PTPRG: variants seen among roughly 807,000 people sequenced by gnomAD.
PTPRG encodes the protein protein tyrosine phosphatase receptor type G.
PTPRG carries 102 observed loss-of-function variants against 165.3 expected under a neutral mutation model. That is an observed-to-expected ratio of 0.62 (90% CI 0.53 to 0.73). The LOEUF is 0.73. PTPRG is among the 30% of genes least tolerant of loss of function. The pLI is 0.00. For missense variants in PTPRG, 1,866 were observed against 1,861.4 expected, an observed-to-expected ratio of 1.00 and a Z score of -0.05; for synonymous variants, 675 against 669.5, an observed-to-expected ratio of 1.01 and a Z score of -0.13.
chr3:62,191,877 C>T (rs1699833745), intron 9 of PTPRG, among the ~76,000 whole-genome samples: 1 of 152,200 alleles, frequency 6.6e-6, no homozygotes, highest in African/African-American at 2.4e-5. Context: ...AGCTATGCAA[C>T]CCGGAGAGCC....
At chr3:61,808,085 T>A (rs1468396807) in intron 2 of PTPRG, among the ~76,000 whole-genome samples, 1 of 152,200 alleles carries the variant, frequency 6.6e-6, no homozygotes, top group Non-Finnish European at 1.5e-5. Flanking sequence ...GATATTGTTA[T>A]ACAAACAAAA....
intron 5 of PTPRG, among the ~76,000 whole-genome samples, chr3:62,117,194 C>G (rs1462415330): frequency 6.6e-6 from 1 of 152,026 alleles, no homozygotes; most frequent in African/African-American, 2.4e-5. Flanking sequence ...TTTAAGGAGG[C>G]AATGAAGCAT....
intron 1 of PTPRG, among the ~76,000 whole-genome samples, chr3:61,626,836 A>G (rs1701622806): frequency 6.6e-6 from 1 of 152,226 alleles, no homozygotes; most frequent in African/African-American, 2.4e-5. Flanking sequence ...ATATTCTTAG[A>G]AAAAGGAATA....
At chr3:61,742,518 G>T in intron 1 of PTPRG, 1 of 1,596,698 alleles carries the variant, frequency 6.3e-7, no homozygotes, top group Non-Finnish European at 8.5e-7. Flanking sequence ...CATTCTGCCA[G>T]TTTTTCTTGA....
chr3:62,097,928 G>C (rs904451535), intron 5 of PTPRG, among the ~76,000 whole-genome samples: 2 of 152,168 alleles, frequency 1.3e-5, no homozygotes, highest in African/African-American at 4.8e-5. Flanking sequence ...AAATTAACTT[G>C]AGTTATTAAA....
intron 4 of PTPRG, among the ~76,000 whole-genome samples, chr3:62,023,535 A>G (rs2107765662): frequency 6.6e-6 from 1 of 152,178 alleles, no homozygotes; most frequent in South Asian, 2.1e-4. Context: ...GCACTCCTCC[A>G]AGTATATTTT....
chr3:61,830,478 A>G (rs941870924), intron 2 of PTPRG, among the ~76,000 whole-genome samples: 2 of 150,956 alleles, frequency 1.3e-5, no homozygotes, highest in South Asian at 2.1e-4. Flanking sequence ...AGGTTTGCTG[A>G]TTCTTGACAG....
intron 1 of PTPRG, among the ~76,000 whole-genome samples, chr3:61,580,986 T>G (rs1467657491): frequency 6.6e-6 from 1 of 152,234 alleles, no homozygotes; most frequent in African/African-American, 2.4e-5. Context: ...ATTGGCATGT[T>G]AGTCCTAGAG....
intron 2 of PTPRG, among the ~76,000 whole-genome samples, chr3:61,935,060 T>G (rs953354893): frequency 4.6e-5 from 7 of 152,040 alleles, no homozygotes; most frequent in Middle Eastern, 3.2e-3. Context: ...GACATCCTCC[T>G]CTCCTTCCCA....
intron 1 of PTPRG, among the ~76,000 whole-genome samples, chr3:61,589,720 A>T (rs1009152003): frequency 3.3e-5 from 5 of 151,950 alleles, no homozygotes; most frequent in Middle Eastern, 3.2e-3. Context: ...GCACATGGGG[A>T]CACGTGGCAG....
intron 3 of PTPRG, among the ~76,000 whole-genome samples, chr3:62,002,376 G>T (rs971268741): frequency 6.6e-6 from 1 of 152,086 alleles, no homozygotes; most frequent in African/African-American, 2.4e-5. Flanking sequence ...TCGGTATATT[G>T]TTTGGCACCT....
Position 62,203,788 on chromosome 3 carries a change from G to A in PTPRG, c.1993G>A (p.Gly665Ser). 1 of 1,613,400 alleles carries A rather than the reference G, an allele frequency of 6.2e-7. No homozygotes were observed. The highest frequency in any genetic ancestry group is 8.5e-7 in the Non-Finnish European group (1 of 1,179,666). The change falls in exon 12 of 30, where the codon GGC becomes AGC. Residue 665 changes from glycine (G) to serine (S), a missense_variant. Around this residue, in one of 3 missense-constraint regions of PTPRG, gnomAD observed 1,452 missense variants for 1,463.0 expected, o/e 0.99. Coordinates refer to ENST00000474889, the MANE Select transcript of PTPRG (RefSeq NM_002841.4). This position sits in a 1 kb window ranked among gnomAD's most constrained non-coding sequence, Gnocchi z 6.4. ...GGGCGGAAGGAGGGATGCCGGCCCA[G>A]GCCTGGACCCCGACATGGTCACCTC... is the stretch of plus-strand genomic sequence containing the variant. Reference protein sequence around the residue: ...QTGGRRDAGPGLDPDMVTSTQ... With the variant: ...QTGGRRDAGPSLDPDMVTSTQ...
chr3:62,153,996 G>A (rs886390452), intron 6 of PTPRG, among the ~76,000 whole-genome samples: 1 of 152,218 alleles, frequency 6.6e-6, no homozygotes, highest in African/African-American at 2.4e-5. Flanking sequence ...GTGAGTCTCT[G>A]TATTCTTCAC....
intron 4 of PTPRG, among the ~76,000 whole-genome samples, chr3:62,009,376 T>C (rs2041366654): frequency 6.6e-6 from 1 of 152,176 alleles, no homozygotes. Context: ...CAGCCAGAAG[T>C]TTCTAGTTTT....
At chr3:62,167,337 G>A (rs1705028706) in intron 7 of PTPRG, among the ~76,000 whole-genome samples, 1 of 152,132 alleles carries the variant, frequency 6.6e-6, no homozygotes. Context: ...TGCCAAACTT[G>A]ATCACTAGTA....
intron 2 of PTPRG, among the ~76,000 whole-genome samples, chr3:61,779,924 C>A (rs1480173617): frequency 6.6e-6 from 1 of 152,124 alleles, no homozygotes; most frequent in Non-Finnish European, 1.5e-5. Context: ...GATAATTGAT[C>A]AGAGTTAGAT....
chr3:61,785,736 A>C (rs759260472), intron 2 of PTPRG, among the ~76,000 whole-genome samples: 4 of 152,218 alleles, frequency 2.6e-5, no homozygotes, highest in Non-Finnish European at 5.9e-5. Context: ...TAAAATCTTT[A>C]TATACAGATA....
intron 1 of PTPRG, among the ~76,000 whole-genome samples, chr3:61,635,632 C>T (rs1701889216): frequency 6.6e-6 from 1 of 152,036 alleles, no homozygotes; most frequent in South Asian, 2.1e-4. Flanking sequence ...CACATGTGAG[C>T]CACTGCACTT....
intron 2 of PTPRG, among the ~76,000 whole-genome samples, chr3:61,784,933 G>A (rs1256521697): frequency 1.3e-5 from 2 of 152,174 alleles, no homozygotes; most frequent in Non-Finnish European, 2.9e-5. Context: ...TAACCCAGCA[G>A]TGATAACTCA....
Sources: allele counts gnomAD v4.1 joint callset (sites outside exome capture counted in the v4.1 genomes callset), GRCh38; gene constraint gnomAD v4.1.1; regional missense constraint gnomAD v4.1.1; non-coding constraint Gnocchi (gnomAD v3.1); transcripts MANE v1.5; gene names NCBI Gene and HGNC (gene_info 2026-07-23, HGNC 2026-07-21).